ENPP7: variants seen among roughly 807,000 people sequenced by gnomAD.
ENPP7 encodes the protein ectonucleotide pyrophosphatase/phosphodiesterase family member 7.
In ENPP7, 39 loss-of-function variants were observed where a neutral mutation model predicts 33.6. That is an observed-to-expected ratio of 1.16 (90% CI 0.90 to 1.52). The LOEUF (loss-of-function observed/expected upper bound fraction) is 1.52. ENPP7 is among the 40% of genes most tolerant of loss of function. The probability of loss-of-function intolerance (pLI) is 0.00; values close to 1 mark genes in which losing one functional copy is unlikely to be tolerated. For missense variants in ENPP7, 594 were observed against 641.0 expected (o/e 0.93, Z 0.79); for synonymous variants, 244 against 274.3 (o/e 0.89, Z 1.09).
At position 79,738,772 on chromosome 17, in the gene ENPP7, G is replaced by C. The variant is rs2094300710; in HGVS notation, c.*16+710G>C. 6.6e-6 allele frequency: 1 copy of C among 152,054 alleles called. No individual in the cohort carries two copies. The highest frequency in any genetic ancestry group is 3.4e-3 in the Middle Eastern group (1 of 294). The allele number at this position is 152,054 out of a possible 1,614,324, so 9.4% of individuals were successfully genotyped here. On this transcript the variant is annotated intron_variant, in intron 5 of 5. Transcript: ENST00000328313. This position sits in a 1 kb window ranked among gnomAD's most constrained non-coding sequence, Gnocchi z 6.2. ...GGGCTGTGTTCCTGGAACTCCCCGG[G>C]AGCCTCCGAGGACAGTGCTCCCTTG...
Position 79,741,937 on chromosome 17 carries a change from G to T in ENPP7, c.*160G>T. On this transcript the variant is annotated 3_prime_UTR_variant, in exon 6 of 6. Coordinates refer to ENST00000328313, the MANE Select transcript of ENPP7 (RefSeq NM_178543.5). ...CCCCGGCAGCGCCAACCCCTGCTTG[G>T]CTGTTATGGTGCTGGTAATAAGCCT... 1.0e-6 allele frequency: 1 copy of T among 985,612 alleles called. No homozygotes were observed. The highest frequency in any genetic ancestry group is 1.2e-6 in the Non-Finnish European group (1 of 830,120). 61.1% of individuals were successfully genotyped at this position (985,612 alleles called of 1,614,324 possible).
chr17:79,735,220 C>G lies in ENPP7; in HGVS notation c.577C>G (p.Leu193Val), dbSNP rs80066859. 2,613 of 1,613,452 alleles carry G rather than the reference C, an allele frequency of 1.6e-3. 28 individuals carry two copies. In the African/African-American group the frequency reaches 0.028, roughly 18 times the overall value. Residue 193 changes from leucine to valine, a missense_variant, in exon 3 of 6, where the codon CTC becomes GTC. Transcript: ENST00000328313. The surrounding 1 kb of genome is among the most constrained non-coding windows in gnomAD (Gnocchi z 5.5). ...AGAGGAGGACCTGGATCTGGTCACA[C>G]TCTACTTCGGGGAGCCGGACTCCAC... ...FTEEDLDLVT[L>V]YFGEPDSTGH...
chr17:79,732,894 C>T (rs1320594335), intron 1 of ENPP7, among the ~76,000 whole-genome samples: 3 of 152,242 alleles, frequency 2.0e-5, no homozygotes, highest in African/African-American at 7.2e-5. Flanking sequence ...CCCTTCTAAC[C>T]GCAAACGGAG....
Position 79,735,330 on chromosome 17 carries a change from C to T in ENPP7, c.687C>T (p.Ser229=). The change falls in exon 3 of 6, where the codon AGC becomes AGT. Residue 229 remains serine, a synonymous_variant. Coordinates refer to ENST00000328313, the MANE Select transcript of ENPP7 (RefSeq NM_178543.5). The surrounding 1 kb of genome is among the most constrained non-coding windows in gnomAD (Gnocchi z 5.5). ...VDRTVGYLRE[S]IARNHLTDRL... The stretch of plus-strand genomic sequence containing the variant: ...GGACCGTGGGCTACCTCCGGGAGAG[C>T]ATCGCGCGCAACCACCTCACAGACC... The T allele has an allele frequency of 6.2e-7, 1 of 1,613,586 alleles. No homozygotes were observed. Among genetic ancestry groups the T allele is most frequent in the Non-Finnish European group, 8.5e-7 (1 of 1,180,020 alleles).
intron 2 of ENPP7, among the ~76,000 whole-genome samples, chr17:79,734,021 A>G (rs570904755): frequency 2.4e-4 from 36 of 152,296 alleles, no homozygotes; most frequent in Middle Eastern, 3.4e-3. Flanking sequence ...GTGACTCAAC[A>G]AGAAAGCATT....
chr17:79,732,142 A>ATATATATATATATG (rs2094287494), intron 1 of ENPP7, among the ~76,000 whole-genome samples: 1 of 55,332 alleles, frequency 1.8e-5, no homozygotes, highest in African/African-American at 1.0e-4. Context: ...GTATATATAT[A>ATATATATATATATG]TATATATACA....
intron 5 of ENPP7, among the ~76,000 whole-genome samples, chr17:79,740,117 G>A (rs564126911): frequency 6.6e-6 from 1 of 152,250 alleles, no homozygotes; most frequent in Admixed American, 6.5e-5. Flanking sequence ...AGGATCGCTG[G>A]AGCCCGGGAG....
intron 1 of ENPP7, among the ~76,000 whole-genome samples, chr17:79,733,033 C>T (rs1440692514): frequency 6.6e-6 from 1 of 152,192 alleles, no homozygotes; most frequent in South Asian, 2.1e-4. Flanking sequence ...CACGTGTTTC[C>T]TGTACAAAAA....
At position 79,733,483 on chromosome 17, in the gene ENPP7, C is replaced by T. The variant is rs2094289908; in HGVS notation, c.254-25C>T. 3.1e-6 allele frequency: 5 copies of T among 1,609,362 alleles called. No individual in the cohort carries two copies. The East Asian group carries it at 1.1e-4, about 36-fold the overall frequency. ...GCTGTGACCCCGGTCCATCCCGCCG[C>T]CCTCTGCACCTCTTCCTCCCTCAGG... On this transcript the variant is annotated intron_variant, in intron 1 of 5. Coordinates refer to ENST00000328313, the MANE Select transcript of ENPP7 (RefSeq NM_178543.5).
At chr17:79,732,105 T>C (rs1302883380) in intron 1 of ENPP7, among the ~76,000 whole-genome samples, 4 of 83,294 alleles carry the variant, frequency 4.8e-5, no homozygotes, top group African/African-American at 1.6e-4. Context: ...ATAATATATA[T>C]ATACATATAT....
chr17:79,741,226 C>T (rs933888332), intron 5 of ENPP7, among the ~76,000 whole-genome samples: 13 of 152,182 alleles, frequency 8.5e-5, no homozygotes, highest in Non-Finnish European at 1.6e-4. Flanking sequence ...TGGCCTCAAG[C>T]GATCCTCCAG....
In ENPP7 at chr17:79,737,904, GGC is replaced by G. The variant is rs1180111893; in HGVS notation, c.1247-11_1247-10del. ...TCCCTCTCTCCCTCACAGGTCCTCTGGCTTTCCTTAGAATCTGCTCTTCCGCC... is the reference window on the plus strand; with the variant it reads ...TCCCTCTCTCCCTCACAGGTCCTCTGTTTCCTTAGAATCTGCTCTTCCGCC... On this transcript the variant is annotated splice_polypyrimidine_tract_variant and intron_variant, in intron 4 of 5. Coordinates refer to ENST00000328313, the MANE Select transcript of ENPP7 (RefSeq NM_178543.5). The surrounding 1 kb of genome is among the most constrained non-coding windows in gnomAD (Gnocchi z 5.5). The G allele has an allele frequency of 1.9e-6, 3 of 1,613,404 alleles. No homozygotes were observed. The highest frequency in any genetic ancestry group is 2.5e-6 in the Non-Finnish European group (3 of 1,179,950).
chr17:79,732,672 T>C (rs1555822780), intron 1 of ENPP7, among the ~76,000 whole-genome samples: 1 of 152,218 alleles, frequency 6.6e-6, no homozygotes, highest in Non-Finnish European at 1.5e-5. Flanking sequence ...TGTGTGTGTC[T>C]GTATTCAAAC....
At position 79,741,863 on chromosome 17, in the gene ENPP7, G is replaced by C. The variant is rs1568489210; in HGVS notation, c.*86G>C. 5.1e-6 allele frequency: 5 copies of C among 985,482 alleles called. No homozygotes were observed. The Admixed American group carries it at 1.8e-4, about 36-fold the overall frequency. The allele number at this position is 985,482 out of a possible 1,614,324, so 61.0% of individuals were successfully genotyped here. On this transcript the variant is annotated 3_prime_UTR_variant, in exon 6 of 6. Transcript: ENST00000328313. ...CTGCGATGCTCTGCTGGTCGCGGAC[G>C]GACCCTGCCTCCCCAGCTTATCCCA...
At chr17:79,731,421 G>C (rs782649771) in intron 1 of ENPP7, 29 bp downstream of exon 1, 1 of 1,586,568 alleles carries the variant, frequency 6.3e-7, no homozygotes, top group Non-Finnish European at 8.6e-7. Context: ...CGGGGCCTGG[G>C]GGTGGGAGGG....
intron 3 of ENPP7, among the ~76,000 whole-genome samples, chr17:79,736,584 G>A (rs962357669): frequency 6.7e-6 from 1 of 148,514 alleles, no homozygotes; most frequent in East Asian, 2.0e-4. Context: ...TGCGTCCTAC[G>A]TGTCCAGGGT....
At chr17:79,740,871 C>T (rs1185555099) in intron 5 of ENPP7, among the ~76,000 whole-genome samples, 1 of 152,242 alleles carries the variant, frequency 6.6e-6, no homozygotes, top group Admixed American at 6.5e-5. Context: ...CTTTCACAAG[C>T]AGCATCTGCT....
intron 3 of ENPP7, 101 bp from the exon 4 acceptor site, chr17:79,736,940 G>T: frequency 1.1e-6 from 1 of 910,094 alleles, no homozygotes. Context: ...CCCTCACGTT[G>T]GTGCTCCTTC....
At position 79,735,728 on chromosome 17, in the gene ENPP7, C is replaced by CAT; in HGVS notation, c.1026+59_1026+60insAT. On this transcript the variant is annotated intron_variant, in intron 3 of 5. Transcript: ENST00000328313. This position sits in a 1 kb window ranked among gnomAD's most constrained non-coding sequence, Gnocchi z 5.5. ...GCTCCCTCCCCAGGCTCTGGGTCTT[C>CAT]TTTTTTTTTTTTTGAGACCAGGGTC... 1 of 1,244,942 alleles carries CAT rather than the reference C, an allele frequency of 8.0e-7. No homozygotes were observed. The highest frequency in any genetic ancestry group is 1.1e-6 in the Non-Finnish European group (1 of 918,522). The allele number at this position is 1,244,942 out of a possible 1,614,324, so 77.1% of individuals were successfully genotyped here.
Sources: allele counts gnomAD v4.1 joint callset (sites outside exome capture counted in the v4.1 genomes callset), GRCh38; gene constraint gnomAD v4.1.1; non-coding constraint Gnocchi (gnomAD v3.1); transcripts MANE v1.5; gene names NCBI Gene and HGNC (gene_info 2026-07-23, HGNC 2026-07-21).